Variants in ACYP2 observed in about 807,000 individuals in gnomAD.
ACYP2 encodes acylphosphatase-2.
Under a neutral mutation model 11.2 loss-of-function variants are expected in ACYP2, and 12 were observed. The ratio of observed to expected loss-of-function variants is 1.08; its 90% CI spans 0.69 to 1.74. The LOEUF (loss-of-function observed/expected upper bound fraction) is 1.74, where lower values mean the gene tolerates loss of function less well. ACYP2 is among the 40% of genes most tolerant of loss of function. ACYP2 has a pLI of 0.00. For missense variants in ACYP2, 134 were observed against 101.9 expected, an observed-to-expected ratio of 1.31 and a Z score of -1.35; for synonymous variants, 43 against 32.2, an observed-to-expected ratio of 1.33 and a Z score of -1.13.
At chr2:54,002,544 G>A (rs1370635403) in intron 2 of ACYP2, among the ~76,000 whole-genome samples, 3 of 151,632 alleles carry the variant, frequency 2.0e-5, no homozygotes, top group African/African-American at 7.3e-5. Context: ...CGAGGGACAG[G>A]GTTTCACCAT....
At chr2:53,977,231 T>A (rs1330952053) in intron 2 of ACYP2, among the ~76,000 whole-genome samples, 1 of 151,974 alleles carries the variant, frequency 6.6e-6, no homozygotes, top group Non-Finnish European at 1.5e-5. Flanking sequence ...ATATTTTTAG[T>A]AGAGACGGGG....
At chr2:54,030,660 C>A in intron 2 of ACYP2, 1 of 191,472 alleles carries the variant, frequency 5.2e-6, no homozygotes, top group South Asian at 1.0e-4. Flanking sequence ...AGCGCCTCTC[C>A]TCTCTCCCTT....
intron 6 of ACYP2, among the ~76,000 whole-genome samples, chr2:54,259,456 G>C (rs886828341): frequency 6.6e-6 from 1 of 152,180 alleles, no homozygotes; most frequent in Non-Finnish European, 1.5e-5. Context: ...AAAACAGCAA[G>C]GAAGACTGAA....
At chr2:54,264,620 A>G (rs1168050751) in intron 6 of ACYP2, among the ~76,000 whole-genome samples, 1 of 152,234 alleles carries the variant, frequency 6.6e-6, no homozygotes, top group African/African-American at 2.4e-5. Context: ...TAATTGCCCA[A>G]AAAGGGATGC....
chr2:54,202,014 T>C (rs570767410), intron 6 of ACYP2, among the ~76,000 whole-genome samples: 8 of 150,774 alleles, frequency 5.3e-5, no homozygotes, highest in Non-Finnish European at 1.2e-4. Context: ...GGCCCACTTA[T>C]TTTTCTTCTA....
intron 4 of ACYP2, among the ~76,000 whole-genome samples, chr2:54,112,659 A>G (rs1401149930): frequency 1.3e-5 from 2 of 152,250 alleles, no homozygotes; most frequent in Non-Finnish European, 2.9e-5. Context: ...TATTCATTGG[A>G]AAGACTACAA....
rs189225856 is a variant in ACYP2 at position 54,147,688 on chromosome 2, C to A, written c.404+8940C>A. On this transcript the variant is annotated intron_variant, in intron 6 of 6. Coordinates refer to ENST00000607452, the MANE Select transcript of ACYP2 (RefSeq NM_001320586.2). ...TGCAGGTGTGCACCACCATACCTAG[C>A]TAATTTTTTAATTTTTTGTAGAGAC... Among the ~76,000 whole-genome samples the A allele has an allele frequency of 2.7e-3, 404 of 152,188 alleles. 1 individual carries two copies. The highest frequency in any genetic ancestry group is 3.9e-3 in the Non-Finnish European group (264 of 67,996).
At chr2:53,988,044 A>C (rs1433085433) in intron 2 of ACYP2, among the ~76,000 whole-genome samples, 1 of 152,008 alleles carries the variant, frequency 6.6e-6, no homozygotes, top group Non-Finnish European at 1.5e-5. Flanking sequence ...TTTTCCTTTA[A>C]CGTGTCAAAC....
intron 6 of ACYP2, among the ~76,000 whole-genome samples, chr2:54,286,478 A>G (rs987861396): frequency 1.3e-5 from 2 of 152,052 alleles, no homozygotes; most frequent in African/African-American, 4.8e-5. Flanking sequence ...ACCTTCTTCA[A>G]GCCACTATTA....
At chr2:54,011,271 A>G (rs867428311) in intron 2 of ACYP2, among the ~76,000 whole-genome samples, 16 of 152,294 alleles carry the variant, frequency 1.1e-4, no homozygotes, top group South Asian at 1.0e-3. Flanking sequence ...TCTGTTTTTC[A>G]TTAAATTTTT....
intron 4 of ACYP2, among the ~76,000 whole-genome samples, chr2:54,125,903 A>T (rs939693104): frequency 1.1e-4 from 16 of 151,994 alleles, no homozygotes; most frequent in Admixed American, 6.6e-5. Context: ...CAACATGGAG[A>T]AACCTGGTTT....
intron 2 of ACYP2, among the ~76,000 whole-genome samples, chr2:53,992,778 C>G (rs1672363755): frequency 6.8e-6 from 1 of 147,992 alleles, no homozygotes; most frequent in Non-Finnish European, 1.5e-5. Flanking sequence ...TTGCAGCGAG[C>G]TGAGACCACA....
chr2:54,002,567 G>A (rs780647630), intron 2 of ACYP2, among the ~76,000 whole-genome samples: 2 of 151,914 alleles, frequency 1.3e-5, no homozygotes. Flanking sequence ...TGGCCAGGCT[G>A]GTCTTGCACT....
intron 2 of ACYP2, among the ~76,000 whole-genome samples, chr2:53,987,079 GAC>G (rs1258050068): frequency 2.0e-5 from 3 of 152,178 alleles, no homozygotes; most frequent in Non-Finnish European, 4.4e-5. Context: ...AGCAAAATCA[GAC>G]ACACAAGAGC....
At chr2:53,978,537 CAT>C (rs1216344268) in intron 2 of ACYP2, among the ~76,000 whole-genome samples, 2 of 152,134 alleles carry the variant, frequency 1.3e-5, no homozygotes, top group Non-Finnish European at 2.9e-5. Context: ...GCAGTACTCA[CAT>C]GTTTGTGGTG....
intron 4 of ACYP2, among the ~76,000 whole-genome samples, chr2:54,116,615 G>C (rs1679815563): frequency 6.6e-6 from 1 of 150,836 alleles, no homozygotes; most frequent in Non-Finnish European, 1.5e-5. Context: ...TTGACAATAA[G>C]GCTCTCTTAG....
intron 6 of ACYP2, among the ~76,000 whole-genome samples, chr2:54,219,905 A>ATATATATATAT: frequency 1.3e-5 from 1 of 75,988 alleles, no homozygotes; most frequent in Non-Finnish European, 2.4e-5. Context: ...ATATATATAT[A>ATATATATATAT]TTTTTTTTTT....
At chr2:54,128,956 C>T (rs564363611) in intron 4 of ACYP2, among the ~76,000 whole-genome samples, 60 of 152,314 alleles carry the variant, frequency 3.9e-4, no homozygotes, top group African/African-American at 1.4e-3. Flanking sequence ...CTTACAGACA[C>T]ACCCAAAATA....
At chr2:54,091,489 T>TTTTATTTA (rs58827967) in intron 4 of ACYP2, among the ~76,000 whole-genome samples, 7,754 of 143,690 alleles carry the variant, frequency 0.054, 284 homozygotes, top group East Asian at 0.17. Flanking sequence ...ACTCTCTTGA[T>TTTTATTTA]TTTATTTATT....
Sources: allele counts gnomAD v4.1 joint callset (sites outside exome capture counted in the v4.1 genomes callset), GRCh38; gene constraint gnomAD v4.1.1; transcripts MANE v1.5; gene names NCBI Gene and HGNC (gene_info 2026-07-23, HGNC 2026-07-21).